STK32C: variants seen among roughly 807,000 people sequenced by gnomAD.
STK32C encodes the protein serine/threonine kinase 32C.
In STK32C, 31 loss-of-function variants were observed where a neutral mutation model predicts 56.5. The ratio of observed to expected loss-of-function variants is 0.55; its 90% confidence interval spans 0.41 to 0.74. The LOEUF (loss-of-function observed/expected upper bound fraction) is 0.74, where lower values mean the gene tolerates loss of function less well. Among genes scored for constraint, STK32C ranks in the 30% least tolerant of loss-of-function variants. The probability of loss-of-function intolerance (pLI) is 0.00; values close to 1 mark genes in which losing one functional copy is unlikely to be tolerated. For missense variants in STK32C, 544 were observed against 676.9 expected (o/e 0.80, Z 2.18); for synonymous variants, 309 against 289.4 (o/e 1.07, Z -0.69).
chr10:132,326,323 T>C (rs1350608970), intron 1 of STK32C, among the ~76,000 whole-genome samples: 1 of 152,194 alleles, frequency 6.6e-6, no homozygotes, highest in African/African-American at 2.4e-5. Flanking sequence ...GTCTGTTCTG[T>C]CAGTCTTAAA....
At chr10:132,226,729 C>T in intron 4 of STK32C, 66 bp downstream of exon 4, 1 of 1,573,780 alleles carries the variant, frequency 6.4e-7, no homozygotes, top group Non-Finnish European at 8.6e-7. Context: ...TGCCGGCAGC[C>T]TGACCTAAGG....
chr10:132,267,547 A>G (rs1206122651), intron 1 of STK32C, among the ~76,000 whole-genome samples: 2 of 137,776 alleles, frequency 1.5e-5, no homozygotes, highest in African/African-American at 5.6e-5. Flanking sequence ...GTTCAGCTCT[A>G]TGCCTGTGTG....
chr10:132,258,092 GT>G (rs1184838162), intron 1 of STK32C, among the ~76,000 whole-genome samples: 9 of 152,200 alleles, frequency 5.9e-5, no homozygotes, highest in African/African-American at 2.2e-4. Context: ...TGCCGGCTGA[GT>G]GGCCCCCCAG....
chr10:132,226,283 A>G (rs922819333), intron 4 of STK32C, among the ~76,000 whole-genome samples: 1 of 152,184 alleles, frequency 6.6e-6, no homozygotes, highest in Non-Finnish European at 1.5e-5. Flanking sequence ...ATTTTGTTCC[A>G]TTGCTGCGGA....
At chr10:132,246,600 C>T (rs1166907606) in intron 1 of STK32C, among the ~76,000 whole-genome samples, 3 of 152,226 alleles carry the variant, frequency 2.0e-5, no homozygotes, top group Non-Finnish European at 4.4e-5. Context: ...CTGCAGAAGG[C>T]ACCATTTCCC....
chr10:132,256,275 C>A (rs907669566), intron 1 of STK32C, among the ~76,000 whole-genome samples: 1 of 152,120 alleles, frequency 6.6e-6, no homozygotes, highest in Non-Finnish European at 1.5e-5. Context: ...GGTGCCTACA[C>A]CTCCAGCAGG....
At chr10:132,232,259 G>A (rs1220900412) in intron 2 of STK32C, among the ~76,000 whole-genome samples, 3 of 152,230 alleles carry the variant, frequency 2.0e-5, no homozygotes, top group Non-Finnish European at 4.4e-5. Context: ...TGTCAGGCAC[G>A]TTGAAGGTGG....
intron 10 of STK32C, among the ~76,000 whole-genome samples, chr10:132,213,922 T>A (rs2062391016): frequency 6.6e-6 from 1 of 151,614 alleles, no homozygotes; most frequent in African/African-American, 2.4e-5. Context: ...TGAGGAAGGA[T>A]CTATGAGCTT....
chr10:132,238,663 A>G (rs939377388), intron 2 of STK32C, among the ~76,000 whole-genome samples: 15 of 152,150 alleles, frequency 9.9e-5, no homozygotes, highest in Non-Finnish European at 2.2e-4. Context: ...AGGCAACCAA[A>G]GGCAAGTGTT....
chr10:132,268,560 T>TGTGC (rs1320867261), intron 1 of STK32C, among the ~76,000 whole-genome samples: 2 of 141,908 alleles, frequency 1.4e-5, no homozygotes, highest in African/African-American at 5.3e-5. Context: ...TGTGTGTGTG[T>TGTGC]GCCTGCGTGT....
At chr10:132,314,114 G>A (rs2066271653) in intron 1 of STK32C, among the ~76,000 whole-genome samples, 1 of 152,212 alleles carries the variant, frequency 6.6e-6, no homozygotes, top group African/African-American at 2.4e-5. Context: ...CACCTTACCT[G>A]GGCCCCGCCC....
intron 1 of STK32C, chr10:132,330,289 A>C (rs1590537688): frequency 1.5e-5 from 9 of 608,726 alleles, no homozygotes; most frequent in East Asian, 1.4e-4. Context: ...AATACGCTCA[A>C]ATGGTTAGTA....
rs1315442369 is a variant in STK32C, at chr10:132,228,139, C to T, written c.319-11G>A. ...CTGCACAATGCACACCTGGAGGGCA[C>T]AGGGCTGTTCGGCAGGACGCCTGAG... is the stretch of plus-strand genomic sequence containing the variant. On this transcript the variant is annotated splice_polypyrimidine_tract_variant and intron_variant, in intron 2 of 11. Coordinates refer to ENST00000298630, the MANE Select transcript of STK32C (RefSeq NM_173575.4). 2.5e-6 allele frequency: 4 copies of T among 1,613,918 alleles called. No homozygotes were observed. Among genetic ancestry groups the T allele is most frequent in the Non-Finnish European group, 3.4e-6 (4 of 1,180,020 alleles).
Position 132,225,603 on chromosome 10 carries a change from C to A in STK32C, c.696G>T (p.Leu232=). 1.9e-6 allele frequency: 3 copies of A among 1,613,226 alleles called. No individual in the cohort carries two copies. The highest frequency in any genetic ancestry group is 2.5e-6 in the Non-Finnish European group (3 of 1,179,534). The change falls in exon 6 of 12, where the codon CTG becomes CTT. Residue 232 remains leucine (L), a synonymous_variant. Transcript: ENST00000298630. ...ILLDERGHAH[L]TDFNIATIIK... ...TGATGGTGGCAATGTTGAAGTCGGT[C>A]AGGTGTGCATGTCCTGTGCAGAGAG...
Position 132,227,103 on chromosome 10 carries a change from G to A in STK32C, c.471-135C>T, listed in dbSNP as rs141139263. 7.7e-3 allele frequency: 8,236 copies of A among 1,066,150 alleles called. 52 individuals carry two copies. Among genetic ancestry groups the A allele is most frequent in the Middle Eastern group, 0.016 (52 of 3,304 alleles). 66.0% of individuals were successfully genotyped at this position (1,066,150 alleles called of 1,614,324 possible). A position where few individuals can be genotyped will look rare whatever the true frequency, so the allele number is the denominator to read the frequency against. ...GCCACCAGGCATTCCCAGGAGGAGG[G>A]GCCTGCCCAAGGCACTGATTGCACC... is the stretch of plus-strand genomic sequence containing the variant. On this transcript the variant is annotated intron_variant, in intron 3 of 11. Transcript: ENST00000298630.
At chr10:132,316,685 C>G (rs1389885164) in intron 1 of STK32C, among the ~76,000 whole-genome samples, 1 of 151,726 alleles carries the variant, frequency 6.6e-6, no homozygotes, top group Non-Finnish European at 1.5e-5. Context: ...GTATAAAGCC[C>G]CAGGATTACA....
At chr10:132,271,391 C>G (rs1046291327) in intron 1 of STK32C, among the ~76,000 whole-genome samples, 12 of 152,216 alleles carry the variant, frequency 7.9e-5, no homozygotes, top group Non-Finnish European at 1.6e-4. Context: ...CATGGAGGGT[C>G]AGAACAGAGG....
intron 1 of STK32C, among the ~76,000 whole-genome samples, chr10:132,279,835 C>T (rs911331463): frequency 6.8e-6 from 1 of 146,870 alleles, no homozygotes; most frequent in Non-Finnish European, 1.5e-5. Context: ...ACTCTGTGAT[C>T]ACGCCACTGC....
Position 132,222,874 on chromosome 10 carries a change from C to G in STK32C, c.1106G>C (p.Gly369Ala). 6.3e-7 allele frequency: 1 copy of G among 1,578,958 alleles called. No homozygotes were observed. Among genetic ancestry groups the G allele is most frequent in the Non-Finnish European group, 8.6e-7 (1 of 1,165,188 alleles). The change falls in exon 9 of 12, where the codon GGC becomes GCC. Residue 369 changes from glycine to alanine, a missense_variant. By Grantham distance (60) the Gly-to-Ala change is moderately conservative (BLOSUM62 0). This residue lies in a region of STK32C where 277 missense variants were observed against 309.3 expected (regional missense o/e 0.90). Transcript: ENST00000298630. ...CCACAGGCTTACGTTGGGCACGAAG[C>G]CCGGCTCCACCCTCTTCTCGCTCAG... is the stretch of plus-strand genomic sequence containing the variant. ...DHLSEKRVEP[G>A]FVPNKGRLHC...
Sources: allele counts gnomAD v4.1 joint callset (sites outside exome capture counted in the v4.1 genomes callset), GRCh38; gene constraint gnomAD v4.1.1; regional missense constraint gnomAD v4.1.1; transcripts MANE v1.5; gene names NCBI Gene and HGNC (gene_info 2026-07-23, HGNC 2026-07-21).